Variants in GP2 observed in about 807,000 individuals in gnomAD.
GP2 encodes the protein pancreatic secretory granule membrane major glycoprotein GP2.
A neutral mutation model predicts 60.8 loss-of-function variants in GP2; 58 were observed. The observed-to-expected ratio is 0.95, with a 90% confidence interval of 0.77 to 1.19. The LOEUF is 1.19. Ranked by LOEUF, GP2 falls within the 50% of genes most tolerant of loss-of-function variation. The probability of loss-of-function intolerance (pLI) is 0.00; values close to 1 mark genes in which losing one functional copy is unlikely to be tolerated. For missense variants in GP2, 647 were observed against 667.4 expected (o/e 0.97, Z 0.34); for synonymous variants, 280 against 253.4 (o/e 1.10, Z -1.00).
In GP2 at chr16:20,320,379, C is replaced by A. The variant is rs182605229; in HGVS notation, c.741G>T (p.Glu247Asp). Reference protein sequence around the residue: ...KCLLGGLGLGEEVIAYLRDPN... With the variant: ...KCLLGGLGLGDEVIAYLRDPN... ...GGTCTCGCAGGTAGGCAATGACCTC[C>A]TCCCCCAAACCCAGGCCTCCCAGCA... Residue 247 changes from glutamate to aspartate, a missense_variant, in exon 5 of 11, where the codon GAG (glutamate) becomes GAT (aspartate). Glu to Asp is a conservative substitution (Grantham distance 45). Transcript: ENST00000302555. 4 of 1,613,496 alleles carry A rather than the reference C, an allele frequency of 2.5e-6. No homozygotes were observed. The African/African-American group carries it at 5.3e-5, about 21-fold the overall frequency.
At chr16:20,317,633 C>A (rs1964226790) in intron 7 of GP2, among the ~76,000 whole-genome samples, 1 of 152,132 alleles carries the variant, frequency 6.6e-6, no homozygotes, top group African/African-American at 2.4e-5. Context: ...CCTTACTGAA[C>A]CTTACTTTTC....
At position 20,314,648 on chromosome 16, in the gene GP2, A is replaced by T. The variant is rs1385189124; in HGVS notation, c.1546+9T>A. 1.3e-6 allele frequency: 2 copies of T among 1,577,174 alleles called. No individual in the cohort carries two copies. Among genetic ancestry groups the T allele is most frequent in the South Asian group, 2.2e-5 (2 of 90,356 alleles). The stretch of plus-strand genomic sequence containing the variant: ...AAAGCTGTGGGAAAGGCATGAGAAA[A>T]TGATGTACCTGCAGTGCTAGGGGTT... On this transcript the variant is annotated intron_variant, in intron 10 of 10. Coordinates refer to ENST00000302555, the MANE Select transcript of GP2 (RefSeq NM_001502.4).
At chr16:20,323,503 T>G in intron 3 of GP2, 1 of 516,750 alleles carries the variant, frequency 1.9e-6, no homozygotes, top group Non-Finnish European at 3.8e-6. Flanking sequence ...CCCCTTTTTT[T>G]CAGATCAGAA....
At chr16:20,313,263 C>CTG (rs775412352) in intron 10 of GP2, among the ~76,000 whole-genome samples, 1 of 150,100 alleles carries the variant, frequency 6.7e-6, no homozygotes, top group Non-Finnish European at 1.5e-5. Context: ...GTCTCTCTGT[C>CTG]TCTCTCTCTC....
intron 4 of GP2, among the ~76,000 whole-genome samples, chr16:20,322,401 G>A (rs1311590158): frequency 3.9e-5 from 6 of 152,044 alleles, no homozygotes; most frequent in Admixed American, 3.9e-4. Context: ...CTGCCCAATT[G>A]GACTGCTCTG....
Position 20,315,067 on chromosome 16 carries a change from G to A in GP2, c.1502-366C>T, listed in dbSNP as rs982580699. On this transcript the variant is annotated intron_variant, in intron 9 of 10. Transcript: ENST00000302555. ...AGTGGAAGTTCCTAACCTCCACCAAGTTACCCTGTGATGCCACCTGAGGCT... is the reference window on the plus strand; with the variant it reads ...AGTGGAAGTTCCTAACCTCCACCAAATTACCCTGTGATGCCACCTGAGGCT... Among the ~76,000 whole-genome samples, 13 of 152,144 alleles carry A rather than the reference G, an allele frequency of 8.5e-5. 1 individual carries two copies. The South Asian group carries it at 2.7e-3, about 32-fold the overall frequency.
At chr16:20,320,213 A>G in intron 5 of GP2, 49 bp downstream of exon 5, 1 of 1,348,352 alleles carries the variant, frequency 7.4e-7, no homozygotes, top group Non-Finnish European at 1.1e-6. Context: ...GATAGGTCCC[A>G]TCAGCCCAAC....
chr16:20,314,052 A>G (rs538572027), intron 10 of GP2, among the ~76,000 whole-genome samples: 65 of 152,158 alleles, frequency 4.3e-4, no homozygotes, highest in African/African-American at 1.5e-3. Flanking sequence ...GGAGGGGAAC[A>G]TCACACACCA....
intron 10 of GP2, among the ~76,000 whole-genome samples, chr16:20,314,273 A>G (rs1279811800): frequency 6.7e-6 from 1 of 148,896 alleles, no homozygotes; most frequent in East Asian, 2.4e-4. Flanking sequence ...CTTGAGTTTG[A>G]AAAAAAAAGA....
rs534687503 is a variant in GP2, at chr16:20,323,076, A to T, written c.536-97T>A. 28 of 691,534 alleles carry T rather than the reference A, an allele frequency of 4.0e-5. No individual in the cohort carries two copies. In the South Asian group the frequency reaches 4.6e-4, roughly 11 times the overall value. 42.8% of individuals were successfully genotyped at this position (691,534 alleles called of 1,614,324 possible). On this transcript the variant is annotated intron_variant, in intron 3 of 10. Coordinates refer to ENST00000302555, the MANE Select transcript of GP2 (RefSeq NM_001502.4). ...CCTTTCATTTCACCGGGGCACAAGA[A>T]TCTTGCCAAGGTTGTGTGATACTTA...
rs755857265 is a variant in GP2 at position 20,319,756 on chromosome 16, G to T, written c.871C>A (p.His291Asn). The T allele has an allele frequency of 6.2e-7, 1 of 1,613,032 alleles. No individual in the cohort carries two copies. Among genetic ancestry groups the T allele is most frequent in the Non-Finnish European group, 8.5e-7 (1 of 1,179,060 alleles). Reference sequence around the variant, plus strand: ...GAGAGGGTGTTTTTGTAGATGGCATGGGTTTGATTTCTCTTTGGCAAAAAA... The same window carrying T: ...GAGAGGGTGTTTTTGTAGATGGCATTGGTTTGATTTCTCTTTGGCAAAAAA... ...CRNILERNQT[H>N]AIYKNTLSLV... The change falls in exon 6 of 11, where the codon CAT (histidine) becomes AAT (asparagine). Residue 291 changes from histidine to asparagine, a missense_variant. By Grantham distance (68) the His-to-Asn change is moderately conservative. Transcript: ENST00000302555.
At chr16:20,323,528 G>A in intron 3 of GP2, 2 of 621,908 alleles carry the variant, frequency 3.2e-6, no homozygotes, top group Non-Finnish European at 5.9e-6. Context: ...GAGGCTCAGG[G>A]AGGCAAATTA....
intron 2 of GP2, among the ~76,000 whole-genome samples, chr16:20,325,430 TA>T (rs548879613): frequency 9.1e-4 from 139 of 152,302 alleles, no homozygotes; most frequent in African/African-American, 3.3e-3. Flanking sequence ...TAGATGTGCA[TA>T]AAAAATAAAC....
chr16:20,324,361 G>A (rs1007766824), intron 2 of GP2, 105 bp from the exon 3 acceptor site: 5 of 663,366 alleles, frequency 7.5e-6, no homozygotes, highest in South Asian at 1.9e-5. Flanking sequence ...ACTCCAATGA[G>A]GACAATACAC....
At position 20,311,039 on chromosome 16, in the gene GP2, G is replaced by A; in HGVS notation, c.*184C>T. On this transcript the variant is annotated 3_prime_UTR_variant, in exon 11 of 11. Transcript: ENST00000302555. ...CCCAAAATGCTGGGATTACAGGCAT[G>A]AGCCACTGCGCCCAGCCGAGAGTTT... 1 of 492,632 alleles carries A rather than the reference G, an allele frequency of 2.0e-6. No homozygotes were observed. The allele number at this position is 492,632 out of a possible 1,614,324, so 30.5% of individuals were successfully genotyped here. A position where few individuals can be genotyped will look rare whatever the true frequency, so the allele number is the denominator to read the frequency against.
chr16:20,322,398 A>G (rs541828072), intron 4 of GP2, among the ~76,000 whole-genome samples: 48 of 152,068 alleles, frequency 3.2e-4, no homozygotes, highest in Non-Finnish European at 6.0e-4. Flanking sequence ...AGCCTGCCCA[A>G]TTGGACTGCT....
chr16:20,313,233 A>C (rs1327819333), intron 10 of GP2, among the ~76,000 whole-genome samples: 1 of 148,172 alleles, frequency 6.7e-6, no homozygotes, highest in Non-Finnish European at 1.5e-5. Flanking sequence ...AAAATGTAAA[A>C]ATGTTCTCTC....
In GP2 at chr16:20,324,023, C is replaced by T. The variant is rs954947097; in HGVS notation, c.328G>A (p.Val110Met). ...GVRMSETCVQVHRCQTDAPMW... is the reference protein window; with the variant it reads ...GVRMSETCVQMHRCQTDAPMW... ...GGAGCGTCTGTCTGGCATCGGTGCA[C>T]CTGGACACAGGTCTCCGACATCCTT... Residue 110 changes from valine to methionine, a missense_variant, in exon 3 of 11, where the codon GTG becomes ATG. Val to Met is a conservative substitution (Grantham distance 21). Coordinates refer to ENST00000302555, the MANE Select transcript of GP2 (RefSeq NM_001502.4). 9.9e-6 allele frequency: 16 copies of T among 1,614,036 alleles called. No individual in the cohort carries two copies. Among genetic ancestry groups the T allele is most frequent in the African/African-American group, 1.3e-5 (1 of 74,944 alleles).
chr16:20,312,472 T>G (rs1964018761), intron 10 of GP2, among the ~76,000 whole-genome samples: 1 of 152,190 alleles, frequency 6.6e-6, no homozygotes, highest in Non-Finnish European at 1.5e-5. Flanking sequence ...CCTCTTGTAG[T>G]GGGTAGGCTG....
Sources: allele counts gnomAD v4.1 joint callset (sites outside exome capture counted in the v4.1 genomes callset), GRCh38; gene constraint gnomAD v4.1.1; transcripts MANE v1.5; gene names NCBI Gene and HGNC (gene_info 2026-07-23, HGNC 2026-07-21).